The following TLK1 variants were observed in gnomAD, a reference collection of about 807,000 sequenced individuals.
TLK1 encodes tousled like kinase 1.
A neutral mutation model predicts 105.3 loss-of-function variants in TLK1; 24 were observed. The ratio of observed to expected loss-of-function variants is 0.23; its 90% CI spans 0.17 to 0.32. The LOEUF is 0.32. Among genes scored for constraint, TLK1 ranks in the 10% least tolerant of loss-of-function variants. The pLI, the probability that TLK1 is intolerant of heterozygous loss-of-function variation, is 1.00. For missense variants in TLK1, 558 were observed against 910.5 expected (o/e 0.61, Z 4.98); for synonymous variants, 321 against 310.4 (o/e 1.03, Z -0.36).
At chr2:171,028,063 T>G (rs1315572030) in intron 12 of TLK1, among the ~76,000 whole-genome samples, 1 of 152,184 alleles carries the variant, frequency 6.6e-6, no homozygotes, top group Non-Finnish European at 1.5e-5. Context: ...CTCAGGAGGC[T>G]GAAGCACGAA....
intron 5 of TLK1, among the ~76,000 whole-genome samples, chr2:171,057,040 A>G (rs906328348): frequency 3.3e-5 from 5 of 152,016 alleles, no homozygotes; most frequent in African/African-American, 1.2e-4. Context: ...GCACTATATA[A>G]AAAGAATTAT....
rs1303181917 is a variant in TLK1 at position 171,138,581 on chromosome 2, TG to T, written c.140-20725del. ...AAAAACTATCACACTCCTTGTAGTTTGTAAATACTATAGTAAGCCTTGGCAG... is the reference window on the plus strand; with the variant it reads ...AAAAACTATCACACTCCTTGTAGTTTTAAATACTATAGTAAGCCTTGGCAG... On this transcript the variant is annotated intron_variant, in intron 1 of 20. Transcript: ENST00000431350. Among the ~76,000 whole-genome samples, 6 of 152,304 alleles carry T rather than the reference TG, an allele frequency of 3.9e-5. No homozygotes were observed. The East Asian group carries it at 5.8e-4, about 15-fold the overall frequency.
At chr2:171,033,308 A>G (rs752574730) in intron 11 of TLK1, among the ~76,000 whole-genome samples, 1 of 152,160 alleles carries the variant, frequency 6.6e-6, no homozygotes, top group Non-Finnish European at 1.5e-5. Flanking sequence ...AAGCATAAAC[A>G]ACAACAGTAA....
At chr2:171,049,757 A>C in intron 10 of TLK1, 57 bp downstream of exon 10, 5 of 1,595,782 alleles carry the variant, frequency 3.1e-6, no homozygotes, top group South Asian at 1.1e-5. Flanking sequence ...ATAATCTTTT[A>C]AAGTAATGAA....
At chr2:171,067,553 C>G (rs1333955751) in intron 3 of TLK1, among the ~76,000 whole-genome samples, 1 of 152,164 alleles carries the variant, frequency 6.6e-6, no homozygotes, top group Non-Finnish European at 1.5e-5. Flanking sequence ...AGACTACTCA[C>G]CAATCCTTTG....
chr2:171,122,857 G>A (rs1690710362), intron 1 of TLK1, among the ~76,000 whole-genome samples: 1 of 151,734 alleles, frequency 6.6e-6, no homozygotes, highest in South Asian at 2.1e-4. Context: ...TGGCCAACAT[G>A]GTGAAACCCC....
chr2:171,183,259 C>A (rs975792076), intron 1 of TLK1, among the ~76,000 whole-genome samples: 4 of 151,996 alleles, frequency 2.6e-5, no homozygotes, highest in African/African-American at 9.7e-5. Context: ...AATGTTAAAG[C>A]TCCCAATAAT....
intron 1 of TLK1, among the ~76,000 whole-genome samples, chr2:171,168,178 T>C (rs1692645166): frequency 6.6e-6 from 1 of 152,120 alleles, no homozygotes; most frequent in Admixed American, 6.5e-5. Flanking sequence ...TCTTCGACAA[T>C]ATCTTTCCCA....
At chr2:171,042,244 G>GT (rs966308111) in intron 11 of TLK1, among the ~76,000 whole-genome samples, 3 of 151,766 alleles carry the variant, frequency 2.0e-5, no homozygotes, top group African/African-American at 7.3e-5. Flanking sequence ...GATCAAATGT[G>GT]TTTTTTTTAT....
chr2:171,150,413 C>G (rs564520988), intron 1 of TLK1, among the ~76,000 whole-genome samples: 2 of 152,306 alleles, frequency 1.3e-5, no homozygotes, highest in African/African-American at 4.8e-5. Flanking sequence ...ATTATCATCC[C>G]TTCCTCAGGA....
intron 1 of TLK1, among the ~76,000 whole-genome samples, chr2:171,126,542 T>G (rs558423233): frequency 6.6e-6 from 1 of 152,304 alleles, no homozygotes; most frequent in South Asian, 2.1e-4. Context: ...TTTAGTTGCC[T>G]TAAGTCTTAA....
chr2:171,071,270 T>C (rs1041295977), intron 3 of TLK1, among the ~76,000 whole-genome samples: 1 of 152,156 alleles, frequency 6.6e-6, no homozygotes, highest in Non-Finnish European at 1.5e-5. Flanking sequence ...AGAAGCTTTT[T>C]AATTTGATGT....
Position 171,126,263 on chromosome 2 carries a change from G to C in TLK1, c.140-8406C>G, listed in dbSNP as rs1000993717. On this transcript the variant is annotated intron_variant, in intron 1 of 20. Transcript: ENST00000431350. ...GATCAATCACATTCAATATGATGAA[G>C]AAAAATTTTAGGGAACATAAAGAAC... 2.0e-5 allele frequency among the ~76,000 whole-genome samples: 3 copies of C among 152,084 alleles called. No individual in the cohort carries two copies. In the East Asian group the frequency reaches 5.8e-4, roughly 29 times the overall value.
intron 1 of TLK1, among the ~76,000 whole-genome samples, chr2:171,229,758 A>C (rs1257087037): frequency 5.3e-5 from 8 of 152,228 alleles, no homozygotes; most frequent in Admixed American, 5.2e-4. Flanking sequence ...TCCGCCTAAG[A>C]ACACAGACAC....
intron 1 of TLK1, among the ~76,000 whole-genome samples, chr2:171,202,007 G>A (rs943050932): frequency 6.6e-6 from 1 of 152,010 alleles, no homozygotes; most frequent in South Asian, 2.1e-4. Context: ...GGGAAGAGGG[G>A]CTCATGTAGA....
intron 5 of TLK1, among the ~76,000 whole-genome samples, chr2:171,057,405 G>C (rs749670239): frequency 2.0e-5 from 3 of 151,938 alleles, no homozygotes; most frequent in African/African-American, 7.2e-5. Flanking sequence ...GCACATAGTA[G>C]GCATTCAAGA....
At chr2:171,031,782 T>TA (rs1227729303) in intron 11 of TLK1, among the ~76,000 whole-genome samples, 1 of 152,200 alleles carries the variant, frequency 6.6e-6, no homozygotes, top group Non-Finnish European at 1.5e-5. Flanking sequence ...GACAGTATTT[T>TA]AAAAAGTTAG....
intron 2 of TLK1, among the ~76,000 whole-genome samples, chr2:171,092,894 G>C (rs1689296955): frequency 6.6e-6 from 1 of 152,010 alleles, no homozygotes; most frequent in Non-Finnish European, 1.5e-5. Context: ...AGGAAAATTA[G>C]TAAAATAAAC....
At chr2:171,072,968 T>C (rs1024969115) in intron 3 of TLK1, among the ~76,000 whole-genome samples, 17 of 151,468 alleles carry the variant, frequency 1.1e-4, no homozygotes, top group Non-Finnish European at 1.2e-4. Context: ...ACATATTTCA[T>C]AGTATTTATA....
Sources: gnomAD v4.1 joint callset for allele counts (sites outside exome capture counted in the v4.1 genomes callset) on GRCh38, gnomAD v4.1.1 for gene constraint, MANE v1.5 for transcripts, NCBI Gene and HGNC (gene_info 2026-07-23, HGNC 2026-07-21) for gene names.